Variants in ZMYND8 observed in about 807,000 individuals in gnomAD.
The protein encoded by ZMYND8 is MYND-type zinc finger-containing chromatin reader ZMYND8.
In ZMYND8, 37 loss-of-function variants were observed where a neutral mutation model predicts 140.8. The observed-to-expected ratio is 0.26, with a 90% CI of 0.20 to 0.35. The LOEUF is 0.35. ZMYND8 is among the 10% of genes least tolerant of loss of function. The probability of loss-of-function intolerance (pLI) is 1.00; values close to 1 mark genes in which losing one functional copy is unlikely to be tolerated. For synonymous variants in ZMYND8, 592 were observed against 597.1 expected (o/e 0.99, Z 0.12); for missense variants, 1,068 against 1,570.0 (o/e 0.68, Z 5.40).
intron 1 of ZMYND8, chr20:47,351,945 T>A: frequency 2.0e-6 from 2 of 985,382 alleles, no homozygotes; most frequent in Non-Finnish European, 2.4e-6. Flanking sequence ...TAAAAAAAAC[T>A]CTGCAATGAC....
intron 3 of ZMYND8, among the ~76,000 whole-genome samples, chr20:47,307,880 G>A (rs980126766): frequency 6.6e-6 from 1 of 151,380 alleles, no homozygotes; most frequent in South Asian, 2.1e-4. Context: ...ATCACTTTGG[G>A]AGGCTGAGAC....
chr20:47,219,055 A>ATTTTTTTTTTTTTTTTTTTTTTT (rs3092175), intron 21 of ZMYND8, among the ~76,000 whole-genome samples: 24 of 110,922 alleles, frequency 2.2e-4, no homozygotes, highest in African/African-American at 5.4e-4. Flanking sequence ...CGTTTCTACA[A>ATTTTTTTTTTTTTTTTTTTTTTT]TTTTTTTTTT....
At chr20:47,269,390 G>A (rs1328755908) in intron 11 of ZMYND8, among the ~76,000 whole-genome samples, 1 of 152,184 alleles carries the variant, frequency 6.6e-6, no homozygotes, top group African/African-American at 2.4e-5. Context: ...TCCTGAGGTT[G>A]AGAAAAACCT....
chr20:47,221,169 T>C (rs936612139), intron 20 of ZMYND8, 145 bp downstream of exon 20: 1 of 1,144,120 alleles, frequency 8.7e-7, no homozygotes, highest in Non-Finnish European at 1.2e-6. Flanking sequence ...GGCTCCATGT[T>C]CCCACACATC....
chr20:47,219,055 A>ATTTTTTTTTTTTTTTTTTTT (rs3092175), intron 21 of ZMYND8, among the ~76,000 whole-genome samples: 48 of 110,920 alleles, frequency 4.3e-4, no homozygotes, highest in East Asian at 1.4e-3. Context: ...CGTTTCTACA[A>ATTTTTTTTTTTTTTTTTTTT]TTTTTTTTTT....
intron 2 of ZMYND8, among the ~76,000 whole-genome samples, chr20:47,342,633 G>T (rs533874878): frequency 2.0e-5 from 3 of 150,868 alleles, no homozygotes; most frequent in South Asian, 4.2e-4. Context: ...ATTGCCTGAG[G>T]TCAGGAGTTC....
At chr20:47,346,599 A>G (rs907335157) in intron 2 of ZMYND8, among the ~76,000 whole-genome samples, 7 of 151,540 alleles carry the variant, frequency 4.6e-5, no homozygotes, top group African/African-American at 1.7e-4. Flanking sequence ...CTTTGCCCCA[A>G]AATGACATAC....
intron 2 of ZMYND8, among the ~76,000 whole-genome samples, chr20:47,331,209 T>C (rs1002974186): frequency 2.0e-5 from 3 of 151,990 alleles, no homozygotes; most frequent in Admixed American, 6.6e-5. Context: ...GAGTTTAAAG[T>C]AGGAAGGGAT....
intron 8 of ZMYND8, chr20:47,285,643 A>G (rs756576573): frequency 5.8e-5 from 57 of 975,102 alleles, no homozygotes; most frequent in Non-Finnish European, 6.5e-5. Flanking sequence ...TAGTAGTTTT[A>G]TTCCTAAAAA....
At chr20:47,268,708 C>T (rs1005250843) in intron 11 of ZMYND8, among the ~76,000 whole-genome samples, 21 of 270 alleles carry the variant, frequency 0.078, no homozygotes, top group Admixed American at 0.32. Flanking sequence ...ACCTGGGATG[C>T]GGAGGTGGCG....
At chr20:47,291,758 G>A in intron 6 of ZMYND8, 38 bp downstream of exon 6, 1 of 1,561,786 alleles carries the variant, frequency 6.4e-7, no homozygotes, top group South Asian at 1.2e-5. Context: ...CATCTCAACT[G>A]TGGGCTAGAA....
chr20:47,328,050 A>G (rs980410466), intron 2 of ZMYND8, among the ~76,000 whole-genome samples: 2 of 152,056 alleles, frequency 1.3e-5, no homozygotes, highest in African/African-American at 4.8e-5. Context: ...GGGCTCCAGT[A>G]AGTCTCCTGC....
chr20:47,272,451 A>T (rs565839063), intron 11 of ZMYND8, among the ~76,000 whole-genome samples: 1 of 152,302 alleles, frequency 6.6e-6, no homozygotes, highest in East Asian at 1.9e-4. Context: ...AGGGTGGTGA[A>T]TGTCAGGCCC....
At chr20:47,312,779 G>C (rs545512497) in intron 2 of ZMYND8, among the ~76,000 whole-genome samples, 2 of 145,294 alleles carry the variant, frequency 1.4e-5, no homozygotes, top group South Asian at 2.2e-4. Context: ...GACAGAGCGA[G>C]ACTCCGTCTC....
intron 14 of ZMYND8, among the ~76,000 whole-genome samples, chr20:47,240,117 CAGG>C (rs1413659726): frequency 1.3e-5 from 2 of 152,028 alleles, no homozygotes; most frequent in South Asian, 2.1e-4. Context: ...GAAACTGAGG[CAGG>C]AGAATTCCTT....
chr20:47,298,307 CAAACGTGGT>C lies in ZMYND8; in HGVS notation c.453+413_453+421del. On this transcript the variant is annotated intron_variant, in intron 4 of 22. Coordinates refer to ENST00000471951, the MANE Select transcript of ZMYND8 (RefSeq NM_001281775.3). The surrounding 1 kb of genome is among the most constrained non-coding windows in gnomAD (Gnocchi z 5.0). ...ACGGCCACTACAGGGAACATGCAAC[CAAACGTGGT>C]CTTCTCAGCTTGGCTACTGCTGATG... 1 of 985,372 alleles carries C rather than the reference CAAACGTGGT, an allele frequency of 1.0e-6. No homozygotes were observed. 61.0% of individuals were successfully genotyped at this position (985,372 alleles called of 1,614,324 possible).
intron 5 of ZMYND8, among the ~76,000 whole-genome samples, chr20:47,293,104 GAGGAAAGA>G (rs1232730037): frequency 1.8e-5 from 2 of 108,378 alleles, no homozygotes; most frequent in African/African-American, 8.2e-5. Context: ...AGGGAGGGAC[GAGGAAAGA>G]AGGAAGGAAG....
chr20:47,303,763 T>C (rs930829831), intron 3 of ZMYND8, among the ~76,000 whole-genome samples: 2 of 151,784 alleles, frequency 1.3e-5, no homozygotes, highest in African/African-American at 4.8e-5. Context: ...ACTCAAATCC[T>C]CTCTGTCTGA....
intron 16 of ZMYND8, among the ~76,000 whole-genome samples, chr20:47,232,592 A>G (rs2038655463): frequency 6.6e-6 from 1 of 152,072 alleles, no homozygotes; most frequent in Non-Finnish European, 1.5e-5. Flanking sequence ...ACAAAATTAA[A>G]ATGGCTGCAG....
Sources: allele counts gnomAD v4.1 joint callset (sites outside exome capture counted in the v4.1 genomes callset), GRCh38; gene constraint gnomAD v4.1.1; non-coding constraint Gnocchi (gnomAD v3.1); transcripts MANE v1.5; gene names NCBI Gene and HGNC (gene_info 2026-07-23, HGNC 2026-07-21).